Variants in PTPRD observed in about 807,000 individuals in gnomAD.
PTPRD encodes the protein protein tyrosine phosphatase receptor type D, also known as receptor-type tyrosine-protein phosphatase delta.
In PTPRD, 34 loss-of-function variants were observed where a neutral mutation model predicts 214.5. The ratio of observed to expected loss-of-function variants is 0.16; its 90% CI spans 0.12 to 0.21. PTPRD has a LOEUF of 0.21. Among genes scored for constraint, PTPRD ranks in the 10% least tolerant of loss-of-function variants. The probability of loss-of-function intolerance (pLI) is 1.00; values close to 1 mark genes in which losing one functional copy is unlikely to be tolerated. For synonymous variants in PTPRD, 1,128 were observed against 845.7 expected, an observed-to-expected ratio of 1.33 and a Z score of -5.79; for missense variants, 2,545 against 2,398.7, an observed-to-expected ratio of 1.06 and a Z score of -1.27.
intron 2 of PTPRD, among the ~76,000 whole-genome samples, chr9:10,413,830 A>G (rs1426674323): frequency 6.6e-6 from 1 of 152,008 alleles, no homozygotes; most frequent in African/African-American, 2.4e-5. Context: ...CTGATCCTCA[A>G]CAAAGCTGAC....
intron 7 of PTPRD, among the ~76,000 whole-genome samples, chr9:9,614,028 G>C (rs552552791): frequency 2.0e-5 from 3 of 152,172 alleles, no homozygotes; most frequent in Non-Finnish European, 4.4e-5. Context: ...CATAATAGAA[G>C]TGTGATGAAA....
At chr9:10,565,211 T>C (rs1046532958) in intron 2 of PTPRD, among the ~76,000 whole-genome samples, 1 of 152,072 alleles carries the variant, frequency 6.6e-6, no homozygotes, top group Admixed American at 6.6e-5. Context: ...CAAAAGACCC[T>C]ATCATCTGCC....
intron 8 of PTPRD, among the ~76,000 whole-genome samples, chr9:9,500,517 T>A (rs1342803933): frequency 2.0e-5 from 3 of 152,082 alleles, no homozygotes; most frequent in Non-Finnish European, 4.4e-5. Flanking sequence ...TGGATTTGGT[T>A]GGATAGGGTA....
intron 16 of PTPRD, 64 bp from the exon 17 acceptor site, chr9:8,526,708 G>C: frequency 1.5e-6 from 2 of 1,348,408 alleles, no homozygotes; most frequent in Non-Finnish European, 2.0e-6. Flanking sequence ...AGAAGAAGGA[G>C]GCTAGGGCTG....
intron 3 of PTPRD, among the ~76,000 whole-genome samples, chr9:10,038,936 A>C (rs1420193363): frequency 6.6e-6 from 1 of 152,030 alleles, no homozygotes; most frequent in Non-Finnish European, 1.5e-5. Flanking sequence ...GCTGACGATA[A>C]ACTTTAATCT....
chr9:9,197,838 C>G (rs1281254985), intron 9 of PTPRD, among the ~76,000 whole-genome samples: 1 of 152,136 alleles, frequency 6.6e-6, no homozygotes, highest in Non-Finnish European at 1.5e-5. Flanking sequence ...TTCTGTATTT[C>G]TACTTTTTAT....
chr9:9,829,883 T>C (rs1447564568), intron 5 of PTPRD, among the ~76,000 whole-genome samples: 1 of 151,800 alleles, frequency 6.6e-6, no homozygotes, highest in Non-Finnish European at 1.5e-5. Flanking sequence ...ATTATGTTTA[T>C]AAAATTTTTG....
chr9:9,485,403 T>A (rs1017017829), intron 8 of PTPRD, among the ~76,000 whole-genome samples: 2 of 152,230 alleles, frequency 1.3e-5, no homozygotes, highest in Non-Finnish European at 2.9e-5. Context: ...TAAATCATTA[T>A]GAATATAGCA....
intron 11 of PTPRD, among the ~76,000 whole-genome samples, chr9:8,987,151 G>C (rs758873337): frequency 2.6e-5 from 4 of 151,972 alleles, no homozygotes; most frequent in Non-Finnish European, 5.9e-5. Flanking sequence ...TTTACTAAAA[G>C]GACTATCACA....
In PTPRD at chr9:8,784,774, T is replaced by C. The variant is rs564346513; in HGVS notation, c.-103-50828A>G. ...TCCCCCCTGTATCTTAAACTCTCCA[T>C]ACCAAAAATGTCTGCTACTAAAAAG... On this transcript the variant is annotated intron_variant, in intron 11 of 45. Coordinates refer to ENST00000381196, the MANE Select transcript of PTPRD (RefSeq NM_002839.4). Among the ~76,000 whole-genome samples, 29 of 152,284 alleles carry C rather than the reference T, an allele frequency of 1.9e-4. No homozygotes were observed. In the East Asian group the frequency reaches 1.9e-3, roughly 10 times the overall value.
intron 2 of PTPRD, among the ~76,000 whole-genome samples, chr9:10,448,746 T>C (rs1043413827): frequency 3.3e-5 from 5 of 151,798 alleles, no homozygotes; most frequent in African/African-American, 7.3e-5. Flanking sequence ...GTGGAAAGAG[T>C]CTTTATCTGT....
intron 11 of PTPRD, among the ~76,000 whole-genome samples, chr9:8,940,564 G>C (rs1206537094): frequency 1.3e-5 from 2 of 150,084 alleles, no homozygotes; most frequent in Non-Finnish European, 3.0e-5. Flanking sequence ...AAAGTACTGG[G>C]ATTACAGGTG....
chr9:9,055,137 C>T (rs2099693844), intron 10 of PTPRD, among the ~76,000 whole-genome samples: 1 of 152,050 alleles, frequency 6.6e-6, no homozygotes, highest in South Asian at 2.1e-4. Context: ...ACAATATTTT[C>T]TAGATGTAAA....
chr9:9,007,595 T>G (rs1254552294), intron 11 of PTPRD, among the ~76,000 whole-genome samples: 1 of 151,938 alleles, frequency 6.6e-6, no homozygotes, highest in Non-Finnish European at 1.5e-5. Flanking sequence ...TCAATTCCAT[T>G]CCTTTCTCAG....
chr9:9,628,492 T>C (rs533567693), intron 7 of PTPRD, among the ~76,000 whole-genome samples: 10 of 152,266 alleles, frequency 6.6e-5, no homozygotes, highest in African/African-American at 2.4e-4. Context: ...TTGCCATTGG[T>C]ATCCAGGATC....
chr9:9,221,370 A>G (rs1385724905), intron 9 of PTPRD, among the ~76,000 whole-genome samples: 3 of 152,082 alleles, frequency 2.0e-5, no homozygotes, highest in African/African-American at 4.8e-5. Flanking sequence ...ATATGAGAGG[A>G]AAGAAAGCAA....
intron 11 of PTPRD, among the ~76,000 whole-genome samples, chr9:8,783,735 G>A (rs948146709): frequency 3.3e-5 from 5 of 152,002 alleles, no homozygotes; most frequent in African/African-American, 1.2e-4. Context: ...TTGCAGTACT[G>A]GTCTGATGGC....
intron 3 of PTPRD, among the ~76,000 whole-genome samples, chr9:10,089,718 A>T (rs1441749963): frequency 6.6e-6 from 1 of 151,676 alleles, no homozygotes; most frequent in Non-Finnish European, 1.5e-5. Flanking sequence ...TTAGTAATTT[A>T]AATAATTCCC....
intron 9 of PTPRD, among the ~76,000 whole-genome samples, chr9:9,370,670 G>C (rs1407472892): frequency 6.6e-6 from 1 of 151,880 alleles, no homozygotes; most frequent in African/African-American, 2.4e-5. Flanking sequence ...TGGTGAGAGA[G>C]GGCATCCCTG....
Sources: allele counts gnomAD v4.1 joint callset (sites outside exome capture counted in the v4.1 genomes callset), GRCh38; gene constraint gnomAD v4.1.1; transcripts MANE v1.5; gene names NCBI Gene and HGNC (gene_info 2026-07-23, HGNC 2026-07-21).